ENTREP2: variants seen among roughly 807,000 people sequenced by gnomAD.
ENTREP2 encodes the protein endosomal transmembrane epsin interactor 2, also known as protein ENTREP2.
chr15:29,216,258 GATA>G, the ENTREP2 span, among the ~76,000 whole-genome samples: 1 of 152,306 alleles, frequency 6.6e-6, no homozygotes, highest in East Asian at 1.9e-4. Context: ...ATTCTTGGCT[GATA>G]ATTGTTTTGT....
chr15:29,648,774 C>T, the ENTREP2 span, among the ~76,000 whole-genome samples: 35 of 152,098 alleles, frequency 2.3e-4, no homozygotes, highest in South Asian at 1.2e-3. Context: ...CCCATCTCTA[C>T]TAAAAATACA....
the ENTREP2 span, among the ~76,000 whole-genome samples, chr15:29,393,891 C>A: frequency 6.6e-6 from 1 of 152,072 alleles, no homozygotes; most frequent in African/African-American, 2.4e-5. Flanking sequence ...AATCACTTTA[C>A]TTTCAAAAAA....
the ENTREP2 span, among the ~76,000 whole-genome samples, chr15:29,435,626 G>T: frequency 1.3e-5 from 2 of 151,596 alleles, no homozygotes; most frequent in African/African-American, 4.9e-5. Context: ...TAAAAATAAG[G>T]CCCTTGGATT....
chr15:29,589,012 GA>G, the ENTREP2 span, among the ~76,000 whole-genome samples: 3 of 150,340 alleles, frequency 2.0e-5, no homozygotes, highest in Admixed American at 6.6e-5. Flanking sequence ...AAAGAAAAAA[GA>G]AAAAAAAGGC....
chr15:29,528,128 C>T, the ENTREP2 span, among the ~76,000 whole-genome samples: 8 of 152,012 alleles, frequency 5.3e-5, no homozygotes, highest in South Asian at 2.1e-4. Flanking sequence ...GGTGAACAGA[C>T]GCAAACAATA....
the ENTREP2 span, among the ~76,000 whole-genome samples, chr15:29,363,144 G>A: frequency 7.9e-4 from 120 of 151,906 alleles, no homozygotes; most frequent in African/African-American, 2.8e-3. Context: ...TCTTTAATGT[G>A]ACCAAGCAAA....
chr15:29,168,420 G>A, the ENTREP2 span, among the ~76,000 whole-genome samples: 3 of 152,184 alleles, frequency 2.0e-5, no homozygotes, highest in South Asian at 4.1e-4. Flanking sequence ...GACTCTTGTT[G>A]GTAGCACAAT....
chr15:29,618,354 C>T, the ENTREP2 span, among the ~76,000 whole-genome samples: 2 of 148,944 alleles, frequency 1.3e-5, no homozygotes, highest in African/African-American at 2.5e-5. Flanking sequence ...ACCCGGGAGG[C>T]GGAGGTTGCA....
At chr15:29,314,872 T>C in the ENTREP2 span, among the ~76,000 whole-genome samples, 1 of 151,890 alleles carries the variant, frequency 6.6e-6, no homozygotes, top group Non-Finnish European at 1.5e-5. Context: ...GGCAACATGG[T>C]GAAACCCCGC....
chr15:29,457,167 A>G, the ENTREP2 span, among the ~76,000 whole-genome samples: 2 of 152,194 alleles, frequency 1.3e-5, no homozygotes, highest in Non-Finnish European at 2.9e-5. Flanking sequence ...GAAGCACAGA[A>G]GCCGGCATGG....
chr15:29,137,053 G>T, the ENTREP2 span: 1 of 1,446,746 alleles, frequency 6.9e-7, no homozygotes, highest in South Asian at 1.5e-5. Context: ...TCAGTGGACG[G>T]TGTGCAGGTG....
the ENTREP2 span, among the ~76,000 whole-genome samples, chr15:29,559,837 A>G: frequency 6.6e-6 from 1 of 152,198 alleles, no homozygotes; most frequent in Non-Finnish European, 1.5e-5. Flanking sequence ...CATGTGAGAC[A>G]CAGATTCACA....
chr15:29,575,035 A>G, the ENTREP2 span, among the ~76,000 whole-genome samples: 1 of 152,320 alleles, frequency 6.6e-6, no homozygotes, highest in Non-Finnish European at 1.5e-5. Flanking sequence ...TGTGTGCAGC[A>G]CGTGGGCTGC....
At chr15:29,667,799 T>G in the ENTREP2 span, among the ~76,000 whole-genome samples, 2 of 152,262 alleles carry the variant, frequency 1.3e-5, no homozygotes, top group African/African-American at 4.8e-5. Flanking sequence ...CCCGGCTGTC[T>G]TCAACATATG....
At chr15:29,501,755 A>G in the ENTREP2 span, among the ~76,000 whole-genome samples, 16 of 152,132 alleles carry the variant, frequency 1.1e-4, no homozygotes, top group African/African-American at 3.9e-4. Flanking sequence ...TTCACAGATG[A>G]CCTAATTTTA....
the ENTREP2 span, among the ~76,000 whole-genome samples, chr15:29,225,342 C>G: frequency 6.6e-6 from 1 of 152,244 alleles, no homozygotes; most frequent in South Asian, 2.1e-4. Context: ...CAAGAGAAAA[C>G]AAAAACTATA....
the ENTREP2 span, among the ~76,000 whole-genome samples, chr15:29,302,842 A>G: frequency 1.3e-5 from 2 of 152,134 alleles, no homozygotes; most frequent in Non-Finnish European, 2.9e-5. Context: ...TATTCTCCAA[A>G]TCAATTACAC....
the ENTREP2 span, among the ~76,000 whole-genome samples, chr15:29,208,737 T>A: frequency 1.3e-5 from 2 of 152,186 alleles, no homozygotes; most frequent in African/African-American, 4.8e-5. Flanking sequence ...AACCAACAGA[T>A]GGATGTTCAT....
chr15:29,200,091 G>A, the ENTREP2 span, among the ~76,000 whole-genome samples: 2 of 152,106 alleles, frequency 1.3e-5, no homozygotes, highest in Non-Finnish European at 2.9e-5. Context: ...CAACCACCAA[G>A]TCTTGATTAC....
Sources: allele counts gnomAD v4.1 joint callset (sites outside exome capture counted in the v4.1 genomes callset), GRCh38; gene constraint gnomAD v4.1.1; transcripts MANE v1.5; gene names NCBI Gene and HGNC (gene_info 2026-07-23, HGNC 2026-07-21).